Variants in NUP160 observed in about 807,000 individuals in gnomAD.
NUP160 encodes the protein nuclear pore complex protein Nup160.
NUP160 carries 94 observed loss-of-function variants against 196.9 expected under a neutral mutation model. That is an observed-to-expected ratio of 0.48 (90% CI 0.40 to 0.57). The LOEUF (loss-of-function observed/expected upper bound fraction) is 0.57, where lower values mean the gene tolerates loss of function less well. NUP160 is among the 20% of genes least tolerant of loss of function. The probability of loss-of-function intolerance (pLI) is 0.00; values close to 1 mark genes in which losing one functional copy is unlikely to be tolerated. For missense variants in NUP160, 1,638 were observed against 1,748.3 expected (o/e 0.94, Z 1.13); for synonymous variants, 605 against 619.7 (o/e 0.98, Z 0.35).
intron 33 of NUP160, among the ~76,000 whole-genome samples, chr11:47,783,776 G>A (rs575303598): frequency 2.0e-5 from 3 of 151,830 alleles, no homozygotes; most frequent in Admixed American, 2.0e-4. Flanking sequence ...CCCAGGCTTG[G>A]GGGCAGTGGT....
At chr11:47,826,983 T>G in intron 7 of NUP160, 1 of 452,890 alleles carries the variant, frequency 2.2e-6, no homozygotes. Flanking sequence ...ATCAAGGCAG[T>G]GGGACCAAAC....
chr11:47,794,108 A>T (rs1348477213), intron 27 of NUP160, among the ~76,000 whole-genome samples: 1 of 152,174 alleles, frequency 6.6e-6, no homozygotes. Flanking sequence ...TTTAATGGGT[A>T]TATAGCTTCA....
intron 28 of NUP160, 81 bp downstream of exon 28, chr11:47,792,705 A>G: frequency 7.9e-7 from 1 of 1,260,272 alleles, no homozygotes; most frequent in Non-Finnish European, 1.1e-6. Flanking sequence ...AAATGACACA[A>G]TAGTTTTGAA....
chr11:47,786,014 C>G (rs1040466627), intron 32 of NUP160, among the ~76,000 whole-genome samples: 1 of 152,148 alleles, frequency 6.6e-6, no homozygotes, highest in Non-Finnish European at 1.5e-5. Flanking sequence ...CAGAGGAGAT[C>G]TGAAGAAGGT....
intron 31 of NUP160, among the ~76,000 whole-genome samples, chr11:47,787,598 A>G (rs2097665379): frequency 6.6e-6 from 1 of 150,756 alleles, no homozygotes; most frequent in Non-Finnish European, 1.5e-5. Context: ...TCATTTTTGT[A>G]TTTTTAGTAG....
intron 2 of NUP160, among the ~76,000 whole-genome samples, chr11:47,845,962 A>G (rs1852393378): frequency 6.6e-6 from 1 of 152,114 alleles, no homozygotes; most frequent in African/African-American, 2.4e-5. Flanking sequence ...GCAAAACCCC[A>G]TCTCTACAAA....
chr11:47,799,517 G>A (rs1222673976), intron 23 of NUP160, among the ~76,000 whole-genome samples: 8 of 152,058 alleles, frequency 5.3e-5, no homozygotes, highest in Non-Finnish European at 7.4e-5. Context: ...ATTTATAAAG[G>A]ATGAAGATAA....
At chr11:47,792,161 T>A in intron 28 of NUP160, 171 bp from the exon 29 acceptor site, 1 of 555,180 alleles carries the variant, frequency 1.8e-6, no homozygotes, top group Non-Finnish European at 3.2e-6. Flanking sequence ...AAGAAAGAAG[T>A]TCTTTGCCAA....
exon 1 of NUP160, chr11:47,848,298 C>T (rs1267261523): frequency 1.4e-5 from 22 of 1,613,944 alleles, no homozygotes; most frequent in Non-Finnish European, 1.7e-5. Context: ...AGCTCCGTTC[C>T]AGGGCTCCCG....
chr11:47,779,624 G>T (rs1358433913), intron 35 of NUP160: 1 of 507,558 alleles, frequency 2.0e-6, no homozygotes, highest in Admixed American at 2.1e-5. Context: ...AAACACTATT[G>T]TTTTTTATGT....
intron 1 of NUP160, 111 bp downstream of exon 1, chr11:47,848,108 C>A (rs1852436708): frequency 3.7e-6 from 5 of 1,357,810 alleles, no homozygotes; most frequent in South Asian, 3.5e-5. Context: ...GATCCCGGGG[C>A]TAGAGGCATG....
intron 19 of NUP160, 40 bp downstream of exon 19, chr11:47,807,030 C>A: frequency 7.1e-7 from 1 of 1,405,514 alleles, no homozygotes; most frequent in Non-Finnish European, 1.0e-6. Flanking sequence ...GCAATAAATC[C>A]CCAGTTTAAA....
At chr11:47,787,957 C>T (rs1427837268) in intron 31 of NUP160, among the ~76,000 whole-genome samples, 1 of 151,900 alleles carries the variant, frequency 6.6e-6, no homozygotes, top group Non-Finnish European at 1.5e-5. Flanking sequence ...CTCCTGGCCT[C>T]GTGATCCGCC....
intron 13 of NUP160, among the ~76,000 whole-genome samples, chr11:47,813,929 G>C (rs975066145): frequency 6.6e-6 from 1 of 151,910 alleles, no homozygotes; most frequent in Non-Finnish European, 1.5e-5. Context: ...AAATTAGCCA[G>C]GTGTGGTGGC....
chr11:47,812,155 C>T (rs1230121151), exon 17 of NUP160: 1 of 1,614,110 alleles, frequency 6.2e-7, no homozygotes, highest in East Asian at 2.2e-5. Flanking sequence ...CACCCCTCTG[C>T]ACACAATATA....
intron 17 of NUP160, among the ~76,000 whole-genome samples, chr11:47,808,992 T>G (rs903843829): frequency 6.6e-6 from 1 of 151,768 alleles, no homozygotes; most frequent in Non-Finnish European, 1.5e-5. Flanking sequence ...TCCCAACTAT[T>G]TGGGAGGCTG....
In NUP160 at chr11:47,836,958, G is replaced by GAACA; in HGVS notation, c.867_870dup (p.His291CysfsTer7). ...ATGAAGGCATCATGCTCCACACAAT[G>GAACA]AACAGCAAGACTGAGGGGACGATCT... On this transcript the variant is annotated frameshift_variant, in exon 6 of 36. Coordinates refer to ENST00000378460, the Ensembl canonical transcript of NUP160. LOFTEE classifies it high-confidence loss of function. The GAACA allele has an allele frequency of 6.2e-7, 1 of 1,613,826 alleles. No homozygotes were observed. The highest frequency in any genetic ancestry group is 8.5e-7 in the Non-Finnish European group (1 of 1,179,776).
At chr11:47,800,437 T>G (rs2097673558) in intron 23 of NUP160, among the ~76,000 whole-genome samples, 1 of 151,596 alleles carries the variant, frequency 6.6e-6, no homozygotes, top group Non-Finnish European at 1.5e-5. Flanking sequence ...TCATCCAGGC[T>G]GGAGTGCAGT....
intron 22 of NUP160, 105 bp downstream of exon 22, chr11:47,803,333 G>A: frequency 1.4e-6 from 1 of 696,810 alleles, no homozygotes. Context: ...ACTTTATGTA[G>A]AGGATTCTAT....
Sources: gnomAD v4.1 joint callset for allele counts (sites outside exome capture counted in the v4.1 genomes callset) on GRCh38, gnomAD v4.1.1 for gene constraint, MANE v1.5 for transcripts, NCBI Gene and HGNC (gene_info 2026-07-23, HGNC 2026-07-21) for gene names.